The following CAMK2A variants were observed in gnomAD, a reference collection of about 807,000 sequenced individuals.
The protein encoded by CAMK2A is calcium/calmodulin-dependent protein kinase type II subunit alpha.
A neutral mutation model predicts 79.2 loss-of-function variants in CAMK2A; 7 were observed. The observed-to-expected ratio is 0.09, with a 90% CI of 0.05 to 0.17. The LOEUF is 0.17. Ranked by LOEUF, CAMK2A falls within the 10% of genes least tolerant of loss-of-function variation. CAMK2A has a pLI of 1.00. For synonymous variants in CAMK2A, 242 were observed against 251.7 expected (o/e 0.96, Z 0.36); for missense variants, 214 against 646.4 (o/e 0.33, Z 7.25).
chr5:150,248,505 G>A (rs1210018456), intron 11 of CAMK2A, among the ~76,000 whole-genome samples: 1 of 112,182 alleles, frequency 8.9e-6, no homozygotes, highest in Non-Finnish European at 1.7e-5. Context: ...CCCACAACAG[G>A]CCCCGGTGTG....
chr5:150,254,632 C>T (rs1755976014), intron 6 of CAMK2A, among the ~76,000 whole-genome samples: 1 of 152,190 alleles, frequency 6.6e-6, no homozygotes, highest in Non-Finnish European at 1.5e-5. Context: ...CTGCTGGTCC[C>T]TTCACCCTGA....
intron 6 of CAMK2A, among the ~76,000 whole-genome samples, chr5:150,255,024 C>G (rs1220540019): frequency 1.3e-5 from 2 of 152,154 alleles, no homozygotes; most frequent in African/African-American, 4.8e-5. Flanking sequence ...ACAAATATAG[C>G]TCCCTCCGCC....
At chr5:150,255,020 A>G (rs1237719027) in intron 6 of CAMK2A, among the ~76,000 whole-genome samples, 1 of 152,084 alleles carries the variant, frequency 6.6e-6, no homozygotes, top group Admixed American at 6.5e-5. Context: ...CCAAACAAAT[A>G]TAGCTCCCTC....
At chr5:150,248,393 T>A (rs1408516255) in intron 11 of CAMK2A, among the ~76,000 whole-genome samples, 5 of 151,582 alleles carry the variant, frequency 3.3e-5, no homozygotes, top group Non-Finnish European at 5.9e-5. Context: ...CGTGCAGGTT[T>A]GTTACATATG....
rs200216623 is a variant in CAMK2A, at chr5:150,250,306, G to A, written c.820C>T (p.Arg274Cys). ...TGCATGCAGGATGCCACGGTGGAGC[G>A]GTGCTGGAGGAAGTAGGGGAGAGGG... Reference protein sequence around the residue: ...EALKHPWISHRSTVASCMHRQ... With the variant: ...EALKHPWISHCSTVASCMHRQ... The change falls in exon 11 of 19, where the codon CGC (arginine) becomes TGC (cysteine). Residue 274 changes from arginine to cysteine, a missense_variant. This residue lies in a region of CAMK2A where 18 missense variants were observed against 34.9 expected (regional missense o/e 0.52). Coordinates refer to ENST00000671881, the MANE Select transcript of CAMK2A (RefSeq NM_015981.4). 4 of 1,613,626 alleles carry A rather than the reference G, an allele frequency of 2.5e-6. No homozygotes were observed. The highest frequency in any genetic ancestry group is 1.1e-5 in the South Asian group (1 of 91,082).
intron 1 of CAMK2A, among the ~76,000 whole-genome samples, chr5:150,277,829 T>C (rs915539393): frequency 1.2e-4 from 19 of 152,228 alleles, no homozygotes; most frequent in Admixed American, 3.9e-4. Context: ...AGCACCCTTT[T>C]GATCCTCACA....
chr5:150,270,561 G>A (rs1756705589), intron 2 of CAMK2A, among the ~76,000 whole-genome samples: 1 of 152,154 alleles, frequency 6.6e-6, no homozygotes, highest in South Asian at 2.1e-4. Flanking sequence ...GATGCTTAGA[G>A]TGTGTTGCCA....
intron 1 of CAMK2A, among the ~76,000 whole-genome samples, chr5:150,286,031 A>G (rs1211862936): frequency 2.0e-5 from 3 of 152,074 alleles, no homozygotes; most frequent in African/African-American, 7.2e-5. Context: ...AGGTCTTTGG[A>G]GAAGGCTGGG....
At chr5:150,269,261 G>T (rs1353599087) in intron 2 of CAMK2A, among the ~76,000 whole-genome samples, 2 of 152,132 alleles carry the variant, frequency 1.3e-5, no homozygotes, top group East Asian at 1.9e-4. Flanking sequence ...TCCAGGGTGT[G>T]GGGGCTAAGA....
intron 16 of CAMK2A, 116 bp from the exon 17 acceptor site, chr5:150,228,402 G>C (rs1754698037): frequency 1.4e-6 from 1 of 709,468 alleles, no homozygotes; most frequent in East Asian, 2.7e-5. Context: ...ATTGAAGTTA[G>C]TAGATGGGAA....
At chr5:150,257,150 TCA>T (rs1307141236) in intron 4 of CAMK2A, among the ~76,000 whole-genome samples, 1 of 152,146 alleles carries the variant, frequency 6.6e-6, no homozygotes, top group African/African-American at 2.4e-5. Context: ...TCCCCCATGA[TCA>T]ATATCTCAAA....
At chr5:150,231,065 T>G (rs972101801) in intron 16 of CAMK2A, among the ~76,000 whole-genome samples, 1 of 152,028 alleles carries the variant, frequency 6.6e-6, no homozygotes, top group Admixed American at 6.6e-5. Flanking sequence ...GGGAACAAGA[T>G]GTGAGGAGGA....
At chr5:150,281,219 C>T (rs1757201994) in intron 1 of CAMK2A, among the ~76,000 whole-genome samples, 1 of 152,224 alleles carries the variant, frequency 6.6e-6, no homozygotes, top group Non-Finnish European at 1.5e-5. Flanking sequence ...GATACTTAAG[C>T]ATTTCACTTC....
intron 13 of CAMK2A, among the ~76,000 whole-genome samples, chr5:150,240,585 A>AC: frequency 6.6e-6 from 1 of 152,308 alleles, no homozygotes; most frequent in African/African-American, 2.4e-5. Flanking sequence ...AATGTAAATT[A>AC]CCTTCTCCTT....
chr5:150,241,253 G>C (rs992502319), intron 13 of CAMK2A, among the ~76,000 whole-genome samples: 1 of 152,156 alleles, frequency 6.6e-6, no homozygotes, highest in Non-Finnish European at 1.5e-5. Context: ...TCCCCAGCTG[G>C]GCTGGATGGT....
chr5:150,239,875 G>A (rs1198411686), intron 13 of CAMK2A, 139 bp from the exon 14 acceptor site: 15 of 758,066 alleles, frequency 2.0e-5, no homozygotes, highest in South Asian at 1.3e-4. Flanking sequence ...GCTTGGCATC[G>A]GGACAAGGAG....
chr5:150,248,300 T>C (rs1181380749), intron 11 of CAMK2A, among the ~76,000 whole-genome samples: 1 of 146,376 alleles, frequency 6.8e-6, no homozygotes, highest in Non-Finnish European at 1.5e-5. Context: ...ATTTTCTCTT[T>C]TTTTTTTTTA....
chr5:150,273,258 G>A (rs2150302181), intron 1 of CAMK2A, 99 bp from the exon 2 acceptor site: 1 of 895,462 alleles, frequency 1.1e-6, no homozygotes, highest in Non-Finnish European at 1.8e-6. Flanking sequence ...CTAGACAGAA[G>A]CCCTTCATCA....
intron 1 of CAMK2A, among the ~76,000 whole-genome samples, chr5:150,281,144 T>C (rs1757199469): frequency 6.6e-6 from 1 of 152,232 alleles, no homozygotes; most frequent in South Asian, 2.1e-4. Context: ...GCCTAGATGC[T>C]ACATGGCAGT....
Sources: gnomAD v4.1 joint callset for allele counts (sites outside exome capture counted in the v4.1 genomes callset) on GRCh38, gnomAD v4.1.1 for gene constraint, gnomAD v4.1.1 regional missense constraint, MANE v1.5 for transcripts, NCBI Gene and HGNC (gene_info 2026-07-23, HGNC 2026-07-21) for gene names.